Variants in SND1 observed in about 807,000 individuals in gnomAD.
The protein encoded by SND1 is staphylococcal nuclease domain-containing protein 1.
A neutral mutation model predicts 121.7 loss-of-function variants in SND1; 38 were observed. The observed-to-expected ratio is 0.31, with a 90% CI of 0.24 to 0.41. The LOEUF (loss-of-function observed/expected upper bound fraction) is 0.41, where lower values mean the gene tolerates loss of function less well. Ranked by LOEUF, SND1 falls within the 10% of genes least tolerant of loss-of-function variation. The pLI is 1.00. For synonymous variants in SND1, 401 were observed against 447.4 expected, an observed-to-expected ratio of 0.90 and a Z score of 1.31; for missense variants, 868 against 1,184.6, an observed-to-expected ratio of 0.73 and a Z score of 3.92.
At chr7:127,661,222 T>C (rs551046314) in intron 1 of SND1, among the ~76,000 whole-genome samples, 8 of 152,314 alleles carry the variant, frequency 5.3e-5, no homozygotes, top group African/African-American at 1.9e-4. Flanking sequence ...GGTCCACTTA[T>C]AGTGACTCAG....
intron 16 of SND1, among the ~76,000 whole-genome samples, chr7:128,003,368 C>T (rs994118165): frequency 4.6e-5 from 7 of 152,198 alleles, no homozygotes; most frequent in Non-Finnish European, 7.3e-5. Flanking sequence ...GAAACTGCTT[C>T]ACTGTGCTGT....
At chr7:127,917,402 C>T (rs1268168111) in intron 14 of SND1, among the ~76,000 whole-genome samples, 1 of 152,126 alleles carries the variant, frequency 6.6e-6, no homozygotes, top group Non-Finnish European at 1.5e-5. Context: ...AAATCTATTT[C>T]TGAGCCTGAC....
chr7:127,666,727 A>C (rs1223362905), intron 1 of SND1, among the ~76,000 whole-genome samples: 1 of 152,218 alleles, frequency 6.6e-6, no homozygotes, highest in Non-Finnish European at 1.5e-5. Context: ...TGCCGGGATC[A>C]TAAACAAGTT....
At chr7:127,820,517 C>T (rs1798529087) in intron 11 of SND1, among the ~76,000 whole-genome samples, 1 of 152,156 alleles carries the variant, frequency 6.6e-6, no homozygotes, top group Non-Finnish European at 1.5e-5. Context: ...TGTAGTTAAT[C>T]ACAGCTTTCC....
At chr7:127,814,432 T>C (rs1798391882) in intron 11 of SND1, among the ~76,000 whole-genome samples, 1 of 152,128 alleles carries the variant, frequency 6.6e-6, no homozygotes, top group Admixed American at 6.6e-5. Context: ...CTTTTGAGCT[T>C]GGGCTTGATG....
At chr7:127,682,939 G>A (rs1366036027) in intron 1 of SND1, among the ~76,000 whole-genome samples, 1 of 152,154 alleles carries the variant, frequency 6.6e-6, no homozygotes, top group African/African-American at 2.4e-5. Flanking sequence ...GAAGAAAAAC[G>A]GCTTGTTTTG....
intron 15 of SND1, among the ~76,000 whole-genome samples, chr7:127,983,326 T>C (rs1215702768): frequency 1.3e-5 from 2 of 152,160 alleles, no homozygotes; most frequent in Admixed American, 6.5e-5. Context: ...GAAGCTTGTT[T>C]TGGTGTTCTG....
intron 1 of SND1, among the ~76,000 whole-genome samples, chr7:127,664,842 TAG>T (rs2116245409): frequency 6.6e-6 from 1 of 152,272 alleles, no homozygotes; most frequent in South Asian, 2.1e-4. Context: ...TGCAGAGAAT[TAG>T]AGGATTGCTT....
chr7:127,833,946 C>G (rs1400117259), intron 11 of SND1, among the ~76,000 whole-genome samples: 1 of 151,896 alleles, frequency 6.6e-6, no homozygotes, highest in African/African-American at 2.4e-5. Flanking sequence ...AATGGAATCA[C>G]ACAGTATTCT....
intron 10 of SND1, among the ~76,000 whole-genome samples, chr7:127,740,844 G>T (rs1279872716): frequency 1.3e-5 from 2 of 152,184 alleles, no homozygotes; most frequent in Non-Finnish European, 1.5e-5. Flanking sequence ...TCTTAAGCTT[G>T]AAAGTGATGA....
rs781242435 is a variant in SND1, at chr7:128,029,802, G to A, written c.1779+38746G>A. On this transcript the variant is annotated intron_variant, in intron 16 of 23. Transcript: ENST00000354725. The surrounding 1 kb of genome is among the most constrained non-coding windows in gnomAD (Gnocchi z 4.2). The stretch of plus-strand genomic sequence containing the variant: ...CGGGGTAAAGAGGTCATGGGGCAAA[G>A]AAGAGAGGTTATTGTGGGCCAAGTT... The A allele has an allele frequency of 2.5e-6, 4 of 1,613,912 alleles. No individual in the cohort carries two copies. The Admixed American group carries it at 5.0e-5, about 20-fold the overall frequency.
intron 12 of SND1, chr7:127,857,884 T>C (rs1799310659): frequency 7.4e-7 from 1 of 1,353,838 alleles, no homozygotes; most frequent in Non-Finnish European, 1.1e-6. Context: ...TTTGGAGTTG[T>C]AGAACTGACC....
At chr7:127,687,404 T>G (rs951783606) in intron 2 of SND1, among the ~76,000 whole-genome samples, 1 of 152,212 alleles carries the variant, frequency 6.6e-6, no homozygotes, top group Admixed American at 6.5e-5. Context: ...GCTTCTAGTG[T>G]ATCCATCACC....
At position 128,092,265 on chromosome 7, in the gene SND1, G is replaced by C; in HGVS notation, c.*207G>C. On this transcript the variant is annotated 3_prime_UTR_variant, in exon 24 of 24. Coordinates refer to ENST00000354725, the MANE Select transcript of SND1 (RefSeq NM_014390.4). This position sits in a 1 kb window ranked among gnomAD's most constrained non-coding sequence, Gnocchi z 4.9. ...GGGGCAGACCCTTGTCCTCTGGGAT[G>C]ATGGGCACTGCTATCCACAGTCTCT... 3.4e-6 allele frequency: 2 copies of C among 586,616 alleles called. No individual in the cohort carries two copies. The highest frequency in any genetic ancestry group is 3.0e-5 in the Admixed American group (1 of 33,638). The allele number at this position is 586,616 out of a possible 1,614,324, so 36.3% of individuals were successfully genotyped here.
At chr7:127,705,624 T>C (rs1252072442) in intron 8 of SND1, among the ~76,000 whole-genome samples, 1 of 128,644 alleles carries the variant, frequency 7.8e-6, no homozygotes, top group Non-Finnish European at 1.7e-5. Context: ...GATGTAGATG[T>C]AGATGTAGAT....
intron 10 of SND1, among the ~76,000 whole-genome samples, chr7:127,777,337 G>A (rs889966541): frequency 1.3e-5 from 2 of 152,202 alleles, no homozygotes; most frequent in Non-Finnish European, 2.9e-5. Flanking sequence ...GCAAAATATT[G>A]TCTTGGAGTT....
At chr7:127,927,049 G>A (rs1800857832) in intron 14 of SND1, among the ~76,000 whole-genome samples, 1 of 152,050 alleles carries the variant, frequency 6.6e-6, no homozygotes, top group African/African-American at 2.4e-5. Context: ...TTATGACATG[G>A]GTAGCACTAA....
chr7:127,657,678 TG>T (rs35697820), intron 1 of SND1, among the ~76,000 whole-genome samples: 49,974 of 151,622 alleles, frequency 0.33, 9,232 homozygotes, highest in African/African-American at 0.51. Context: ...TATTCTTTTT[TG>T]TAGAAATGGG....
chr7:127,770,539 G>A (rs1173307924), intron 10 of SND1, among the ~76,000 whole-genome samples: 2 of 152,116 alleles, frequency 1.3e-5, no homozygotes, highest in African/African-American at 4.8e-5. Context: ...TATTTTTTAT[G>A]TCAGGAAACT....
Sources: gnomAD v4.1 joint callset for allele counts (sites outside exome capture counted in the v4.1 genomes callset) on GRCh38, gnomAD v4.1.1 for gene constraint, Gnocchi (gnomAD v3.1) non-coding constraint, MANE v1.5 for transcripts, NCBI Gene and HGNC (gene_info 2026-07-23, HGNC 2026-07-21) for gene names.